Variants in GALNT13 observed in about 807,000 individuals in gnomAD.
The protein encoded by GALNT13 is UDP-GalNAc:polypeptide N-acetylgalactosaminyltransferase 13.
A neutral mutation model predicts 64.2 loss-of-function variants in GALNT13; 28 were observed. That is an observed-to-expected ratio of 0.44 (90% CI 0.32 to 0.60). The LOEUF is 0.60. Among genes scored for constraint, GALNT13 ranks in the 20% least tolerant of loss-of-function variants. The pLI is 0.05. For synonymous variants in GALNT13, 214 were observed against 224.6 expected (o/e 0.95, Z 0.42); for missense variants, 577 against 669.8 (o/e 0.86, Z 1.53).
chr2:153,920,310 C>T (rs1433343786), intron 2 of GALNT13, among the ~76,000 whole-genome samples: 2 of 151,834 alleles, frequency 1.3e-5, no homozygotes, highest in Non-Finnish European at 2.9e-5. Flanking sequence ...ACAGAATAGA[C>T]AACCCAGAAA....
chr2:153,807,838 GT>G, the GALNT13 span, among the ~76,000 whole-genome samples: 8 of 151,852 alleles, frequency 5.3e-5, no homozygotes, highest in African/African-American at 1.7e-4. Flanking sequence ...GTGACTTTTT[GT>G]TTACTGTGAG....
chr2:153,788,259 G>A, the GALNT13 span, among the ~76,000 whole-genome samples: 39 of 152,230 alleles, frequency 2.6e-4, no homozygotes, highest in African/African-American at 9.1e-4. Flanking sequence ...CAGAAACCCT[G>A]TAAGACCGAA....
At chr2:153,509,894 T>TG in the GALNT13 span, among the ~76,000 whole-genome samples, 1 of 152,214 alleles carries the variant, frequency 6.6e-6, no homozygotes, top group Non-Finnish European at 1.5e-5. Flanking sequence ...TAATTAAAAA[T>TG]TTTTAGATAC....
At chr2:153,713,093 C>A in the GALNT13 span, among the ~76,000 whole-genome samples, 1 of 152,140 alleles carries the variant, frequency 6.6e-6, no homozygotes, top group East Asian at 1.9e-4. Flanking sequence ...TGGCCTGAAA[C>A]AAAGTATATG....
chr2:154,197,344 A>G (rs1482030237), intron 4 of GALNT13, among the ~76,000 whole-genome samples: 1 of 152,170 alleles, frequency 6.6e-6, no homozygotes, highest in East Asian at 1.9e-4. Context: ...TTATTTGTAG[A>G]TAATATGTTT....
the GALNT13 span, among the ~76,000 whole-genome samples, chr2:153,551,549 G>C: frequency 2.0e-5 from 3 of 152,182 alleles, no homozygotes; most frequent in African/African-American, 7.2e-5. Context: ...AATGGTGATA[G>C]TAGAAAAGAC....
intron 8 of GALNT13, among the ~76,000 whole-genome samples, chr2:154,267,255 T>G (rs1226434213): frequency 6.6e-6 from 1 of 152,150 alleles, no homozygotes; most frequent in Non-Finnish European, 1.5e-5. Context: ...GTGTAACCAT[T>G]GATTAGACAA....
chr2:153,190,377 AAATC>A, the GALNT13 span, among the ~76,000 whole-genome samples: 1 of 152,098 alleles, frequency 6.6e-6, no homozygotes, highest in African/African-American at 2.4e-5. Context: ...CCTTTGTCAA[AAATC>A]AATTGGCTTT....
the GALNT13 span, among the ~76,000 whole-genome samples, chr2:153,258,647 T>A: frequency 6.6e-6 from 1 of 151,424 alleles, no homozygotes; most frequent in Non-Finnish European, 1.5e-5. Flanking sequence ...GGATTTAATA[T>A]GTTTTTTTTC....
chr2:154,330,426 C>T (rs970057571), intron 9 of GALNT13, among the ~76,000 whole-genome samples: 1 of 152,106 alleles, frequency 6.6e-6, no homozygotes, highest in African/African-American at 2.4e-5. Flanking sequence ...TAAGTGTTCT[C>T]ATGTTCCTTT....
the GALNT13 span, among the ~76,000 whole-genome samples, chr2:153,265,037 T>C: frequency 3.9e-5 from 6 of 152,324 alleles, no homozygotes; most frequent in Middle Eastern, 3.4e-3. Context: ...GCTGAGCTGA[T>C]ATCCAAGTTG....
intron 8 of GALNT13, among the ~76,000 whole-genome samples, chr2:154,299,817 G>A (rs1025751339): frequency 6.6e-6 from 1 of 151,884 alleles, no homozygotes; most frequent in African/African-American, 2.4e-5. Context: ...GGGGGAGGAA[G>A]GTTTCTATTC....
chr2:153,504,040 G>T, the GALNT13 span, among the ~76,000 whole-genome samples: 2 of 152,072 alleles, frequency 1.3e-5, no homozygotes, highest in Non-Finnish European at 1.5e-5. Flanking sequence ...CCATTTGTTT[G>T]TTTGTGTTGT....
At chr2:153,438,797 G>T in the GALNT13 span, among the ~76,000 whole-genome samples, 2 of 152,018 alleles carry the variant, frequency 1.3e-5, no homozygotes, top group Non-Finnish European at 2.9e-5. Context: ...AGAGTAGTTT[G>T]ATCTTCTGAA....
the GALNT13 span, among the ~76,000 whole-genome samples, chr2:153,418,649 A>C: frequency 6.6e-6 from 1 of 152,176 alleles, no homozygotes; most frequent in Non-Finnish European, 1.5e-5. Flanking sequence ...TGACAGGAGA[A>C]GATTTGGTAG....
the GALNT13 span, among the ~76,000 whole-genome samples, chr2:153,820,745 C>G: frequency 1.3e-5 from 2 of 151,950 alleles, no homozygotes; most frequent in Non-Finnish European, 2.9e-5. Flanking sequence ...ATAATAATAC[C>G]TGCTGCCACA....
At chr2:153,410,112 G>T in the GALNT13 span, among the ~76,000 whole-genome samples, 1 of 152,154 alleles carries the variant, frequency 6.6e-6, no homozygotes, top group African/African-American at 2.4e-5. Flanking sequence ...TTGAGACAGG[G>T]TGTCACTCTG....
intron 4 of GALNT13, among the ~76,000 whole-genome samples, chr2:154,225,905 G>A (rs1688594371): frequency 6.6e-6 from 1 of 152,076 alleles, no homozygotes; most frequent in African/African-American, 2.4e-5. Flanking sequence ...TTCCTTATGG[G>A]TGTGGGGCAG....
At chr2:154,276,029 C>A (rs1263328206) in intron 8 of GALNT13, among the ~76,000 whole-genome samples, 1 of 152,108 alleles carries the variant, frequency 6.6e-6, no homozygotes, top group Non-Finnish European at 1.5e-5. Context: ...GGGCCAATTT[C>A]TCCCATTTGG....
Sources: allele counts gnomAD v4.1 joint callset (sites outside exome capture counted in the v4.1 genomes callset), GRCh38; gene constraint gnomAD v4.1.1; transcripts MANE v1.5; gene names NCBI Gene and HGNC (gene_info 2026-07-23, HGNC 2026-07-21).